CACNA2D3: variants seen among roughly 807,000 people sequenced by gnomAD.
CACNA2D3 encodes voltage-dependent calcium channel subunit alpha-2/delta-3.
A neutral mutation model predicts 160.6 loss-of-function variants in CACNA2D3; 60 were observed. That is an observed-to-expected ratio of 0.37 (90% CI 0.30 to 0.46). The LOEUF (loss-of-function observed/expected upper bound fraction) is 0.46, where lower values mean the gene tolerates loss of function less well. CACNA2D3 is among the 20% of genes least tolerant of loss of function. CACNA2D3 has a pLI of 1.00. For missense variants in CACNA2D3, 1,205 were observed against 1,365.0 expected (o/e 0.88, Z 1.85); for synonymous variants, 558 against 492.9 (o/e 1.13, Z -1.75).
In CACNA2D3 at chr3:54,151,870, T is replaced by A. The variant is rs1407576784; in HGVS notation, c.204+28276T>A. ...CCTGCCCCCAGGGAGAAACCCTGTT[T>A]TCTCAGCCATCCTCTTTCCTGCCTC... On this transcript the variant is annotated intron_variant, in intron 2 of 37. Transcript: ENST00000474759. 2.0e-5 allele frequency among the ~76,000 whole-genome samples: 3 copies of A among 152,196 alleles called. No individual in the cohort carries two copies. In the East Asian group the frequency reaches 5.8e-4, roughly 29 times the overall value.
At chr3:54,170,206 A>G (rs1389591139) in intron 2 of CACNA2D3, among the ~76,000 whole-genome samples, 1 of 151,386 alleles carries the variant, frequency 6.6e-6, no homozygotes, top group Admixed American at 6.6e-5. Flanking sequence ...AAAAAAAAAA[A>G]AAGTGAGGGG....
intron 5 of CACNA2D3, among the ~76,000 whole-genome samples, chr3:54,533,068 T>G (rs1337088904): frequency 6.6e-6 from 1 of 152,184 alleles, no homozygotes; most frequent in Non-Finnish European, 1.5e-5. Flanking sequence ...GCCCATTTCC[T>G]CCTCAGGGTT....
intron 2 of CACNA2D3, among the ~76,000 whole-genome samples, chr3:54,282,886 G>A (rs1372124874): frequency 6.6e-6 from 1 of 151,780 alleles, no homozygotes; most frequent in Non-Finnish European, 1.5e-5. Context: ...GTCATTATTA[G>A]TTGAATCACA....
intron 11 of CACNA2D3, among the ~76,000 whole-genome samples, chr3:54,751,332 A>G (rs1239231943): frequency 6.6e-6 from 1 of 152,234 alleles, no homozygotes; most frequent in Non-Finnish European, 1.5e-5. Context: ...GTGCATTTAC[A>G]TATCCCTTTA....
chr3:54,569,992 T>G lies in CACNA2D3; in HGVS notation c.776T>G (p.Ile259Ser). 6.2e-7 allele frequency: 1 copy of G among 1,613,976 alleles called. No homozygotes were observed. The highest frequency in any genetic ancestry group is 8.5e-7 in the Non-Finnish European group (1 of 1,179,878). ...QAATSPKDVV[I>S]LVDVSGSMKG... ...GCAACTTCTCCGAAAGACGTGGTCA[T>G]TTTAGTTGACGTCAGTGGCAGCATG... Residue 259 changes from isoleucine to serine, a missense_variant, in exon 8 of 38, where the codon ATT (isoleucine) becomes AGT (serine). This residue lies in a region of CACNA2D3 where 131 missense variants were observed against 201.5 expected (regional missense o/e 0.65). Transcript: ENST00000474759.
At chr3:55,052,758 A>G (rs1000831538) in intron 35 of CACNA2D3, among the ~76,000 whole-genome samples, 3 of 152,080 alleles carry the variant, frequency 2.0e-5, no homozygotes, top group Non-Finnish European at 2.9e-5. Context: ...CACTTGTAGT[A>G]TTCCTTGTTC....
intron 14 of CACNA2D3, 29 bp from the exon 15 acceptor site, chr3:54,837,130 C>G (rs1698709090): frequency 6.2e-7 from 1 of 1,608,862 alleles, no homozygotes; most frequent in Non-Finnish European, 8.5e-7. Context: ...AGACCGTTCC[C>G]CGGTAACTGG....
intron 13 of CACNA2D3, among the ~76,000 whole-genome samples, chr3:54,795,228 G>T (rs910263447): frequency 1.3e-5 from 2 of 151,922 alleles, no homozygotes; most frequent in Non-Finnish European, 2.9e-5. Flanking sequence ...AACTTTAGGA[G>T]TTCCATTTGG....
intron 10 of CACNA2D3, among the ~76,000 whole-genome samples, chr3:54,635,551 G>C (rs1471652361): frequency 6.6e-6 from 1 of 152,016 alleles, no homozygotes; most frequent in Non-Finnish European, 1.5e-5. Context: ...TGAGACTGGG[G>C]CCTAATAAAA....
intron 9 of CACNA2D3, among the ~76,000 whole-genome samples, chr3:54,602,228 T>C (rs1331410081): frequency 6.6e-6 from 1 of 152,142 alleles, no homozygotes; most frequent in Non-Finnish European, 1.5e-5. Context: ...CCAGGCGTGG[T>C]GGCTCATGCC....
At chr3:54,144,328 A>T (rs907555214) in intron 2 of CACNA2D3, among the ~76,000 whole-genome samples, 1 of 152,220 alleles carries the variant, frequency 6.6e-6, no homozygotes, top group African/African-American at 2.4e-5. Context: ...CAGTGTAAAC[A>T]GTGCTCTGAT....
At chr3:54,944,778 T>C (rs1701569479) in intron 27 of CACNA2D3, among the ~76,000 whole-genome samples, 1 of 152,024 alleles carries the variant, frequency 6.6e-6, no homozygotes, top group Non-Finnish European at 1.5e-5. Context: ...ATAACTTCTT[T>C]TATCTCTGAA....
intron 4 of CACNA2D3, among the ~76,000 whole-genome samples, chr3:54,498,283 A>G (rs1337770440): frequency 6.6e-6 from 1 of 151,806 alleles, no homozygotes; most frequent in Non-Finnish European, 1.5e-5. Context: ...GGCCAGTTAT[A>G]TTTTGTATTT....
intron 27 of CACNA2D3, among the ~76,000 whole-genome samples, chr3:54,950,579 T>C (rs563377269): frequency 6.6e-6 from 1 of 152,358 alleles, no homozygotes; most frequent in African/African-American, 2.4e-5. Context: ...CAAAGAATGC[T>C]GCTTGATCAA....
At chr3:54,916,099 G>A (rs1700653668) in intron 27 of CACNA2D3, among the ~76,000 whole-genome samples, 1 of 152,172 alleles carries the variant, frequency 6.6e-6, no homozygotes, top group African/African-American at 2.4e-5. Flanking sequence ...TTAAAACGAA[G>A]CATGCGTTAT....
At chr3:54,350,987 T>TTTTTTTTTG (rs1698550283) in intron 3 of CACNA2D3, among the ~76,000 whole-genome samples, 2 of 28,784 alleles carry the variant, frequency 6.9e-5, no homozygotes, top group East Asian at 6.8e-4. Context: ...TTTTTGTTTG[T>TTTTTTTTTG]TTTTTTTTTT....
At chr3:54,311,618 A>G (rs963230066) in intron 2 of CACNA2D3, among the ~76,000 whole-genome samples, 2 of 152,306 alleles carry the variant, frequency 1.3e-5, no homozygotes, top group Admixed American at 1.3e-4. Flanking sequence ...CAGAGGAGGC[A>G]CACAGACCAG....
intron 5 of CACNA2D3, among the ~76,000 whole-genome samples, chr3:54,545,579 CT>C (rs1237652724): frequency 1.3e-5 from 2 of 152,160 alleles, no homozygotes; most frequent in Non-Finnish European, 2.9e-5. Flanking sequence ...TTGCATTAAA[CT>C]TTCCTTGCTG....
chr3:54,572,650 T>C (rs1424102985), intron 8 of CACNA2D3, among the ~76,000 whole-genome samples: 1 of 152,224 alleles, frequency 6.6e-6, no homozygotes, highest in Non-Finnish European at 1.5e-5. Flanking sequence ...CCTTGAGGCA[T>C]AGTTCTTTGG....
Sources: allele counts gnomAD v4.1 joint callset (sites outside exome capture counted in the v4.1 genomes callset), GRCh38; gene constraint gnomAD v4.1.1; regional missense constraint gnomAD v4.1.1; transcripts MANE v1.5; gene names NCBI Gene and HGNC (gene_info 2026-07-23, HGNC 2026-07-21).